Variants in CACNA1C observed in about 807,000 individuals in gnomAD.
CACNA1C encodes voltage-dependent L-type calcium channel subunit alpha-1C.
In CACNA1C, 30 loss-of-function variants were observed where a neutral mutation model predicts 229.0. That is an observed-to-expected ratio of 0.13 (90% CI 0.10 to 0.18). The LOEUF (loss-of-function observed/expected upper bound fraction) is 0.18. Among genes scored for constraint, CACNA1C ranks in the 10% least tolerant of loss-of-function variants. The probability of loss-of-function intolerance (pLI) is 1.00; values close to 1 mark genes in which losing one functional copy is unlikely to be tolerated. For missense variants in CACNA1C, 1,658 were observed against 2,845.0 expected, an observed-to-expected ratio of 0.58 and a Z score of 9.49; for synonymous variants, 1,114 against 1,132.5, an observed-to-expected ratio of 0.98 and a Z score of 0.33.
chr12:2,309,133 A>G (rs1174896038), intron 3 of CACNA1C, among the ~76,000 whole-genome samples: 1 of 152,244 alleles, frequency 6.6e-6, no homozygotes, highest in African/African-American at 2.4e-5. Context: ...GTGATTTTCT[A>G]TATATAATGG....
chr12:2,327,786 C>G (rs2096385128), intron 3 of CACNA1C, among the ~76,000 whole-genome samples: 1 of 152,178 alleles, frequency 6.6e-6, no homozygotes, highest in South Asian at 2.1e-4. Flanking sequence ...ATTCAGTTAC[C>G]TCATTATAGG....
chr12:2,489,072 A>G (rs183249440), intron 6 of CACNA1C, among the ~76,000 whole-genome samples: 16 of 152,298 alleles, frequency 1.1e-4, no homozygotes, highest in Non-Finnish European at 1.8e-4. Context: ...AGAGTTTTAT[A>G]TAAACTTTGG....
intron 5 of CACNA1C, among the ~76,000 whole-genome samples, chr12:2,485,148 G>T (rs543799498): frequency 6.6e-6 from 1 of 152,154 alleles, no homozygotes; most frequent in East Asian, 1.9e-4. Flanking sequence ...TTGGAGGGGG[G>T]TTTCCTGTCC....
chr12:2,163,038 A>G (rs1377823437), intron 3 of CACNA1C, among the ~76,000 whole-genome samples: 1 of 152,040 alleles, frequency 6.6e-6, no homozygotes, highest in Admixed American at 6.6e-5. Context: ...ATCTCTACTA[A>G]AAATACAAAA....
At chr12:2,490,981 A>G (rs1247075606) in intron 6 of CACNA1C, among the ~76,000 whole-genome samples, 1 of 152,224 alleles carries the variant, frequency 6.6e-6, no homozygotes, top group Non-Finnish European at 1.5e-5. Context: ...CAAACCTGGA[A>G]ATAATCCAGA....
At position 2,502,326 on chromosome 12, in the gene CACNA1C, C is replaced by T. The variant is rs1260269131; in HGVS notation, c.1114-2516C>T. Among the ~76,000 whole-genome samples, 2 of 152,246 alleles carry T rather than the reference C, an allele frequency of 1.3e-5. 1 individual carries two copies. The highest frequency in any genetic ancestry group is 4.1e-4 in the South Asian group (2 of 4,836). On this transcript the variant is annotated intron_variant, in intron 7 of 46. Coordinates refer to ENST00000399655, the MANE Select transcript of CACNA1C (RefSeq NM_000719.7). ...GGCATCGTTGTAGGCACCTGGGGTA[C>T]ACCCGTGAACAAAGCAGGCCAGAAC...
intron 34 of CACNA1C, among the ~76,000 whole-genome samples, chr12:2,661,280 TACACAC>T (rs1210712672): frequency 6.2e-4 from 77 of 123,462 alleles, no homozygotes; most frequent in African/African-American, 2.3e-3. Context: ...TACACACACA[TACACAC>T]ACACACACAC....
chr12:2,211,635 G>C (rs924557909), intron 3 of CACNA1C, among the ~76,000 whole-genome samples: 56 of 152,048 alleles, frequency 3.7e-4, no homozygotes, highest in African/African-American at 1.3e-3. Flanking sequence ...TTAGGGCTTG[G>C]GGGGACATGA....
intron 3 of CACNA1C, among the ~76,000 whole-genome samples, chr12:2,175,466 A>G (rs2096617978): frequency 6.7e-6 from 1 of 149,426 alleles, no homozygotes; most frequent in Non-Finnish European, 1.5e-5. Context: ...GTGACCTCGG[A>G]GTTAGATTCA....
chr12:2,682,365 A>G (rs369094296), intron 42 of CACNA1C, among the ~76,000 whole-genome samples, 185 bp from the exon 43 acceptor site: 2 of 152,282 alleles, frequency 1.3e-5, no homozygotes, highest in Non-Finnish European at 2.9e-5. Flanking sequence ...GAACACTTCT[A>G]TGGATCCATC....
At chr12:2,031,134 C>A (rs2048146637) in intron 1 of CACNA1C, among the ~76,000 whole-genome samples, 1 of 152,202 alleles carries the variant, frequency 6.6e-6, no homozygotes. Context: ...AGTAAAGGCA[C>A]CCAGAGACTT....
chr12:2,053,368 T>G lies in CACNA1C; in HGVS notation c.-195T>G. The G allele has an allele frequency of 7.3e-7, 1 of 1,360,922 alleles. No homozygotes were observed. 84.3% of individuals were successfully genotyped at this position (1,360,922 alleles called of 1,614,324 possible). On this transcript the variant is annotated 5_prime_UTR_variant, in exon 1 of 47. Coordinates refer to ENST00000399655, the MANE Select transcript of CACNA1C (RefSeq NM_000719.7). This position sits in a 1 kb window ranked among gnomAD's most constrained non-coding sequence, Gnocchi z 5.8. ...GGAGGCAGTAGTGGAAAGGAGCAGT[T>G]TTTGGGGTTTGATGCCATAATGGGA...
exon 1 of CACNA1C, chr12:1,970,920 C>T (rs551899573): frequency 9.8e-5 from 35 of 356,756 alleles, no homozygotes; most frequent in Middle Eastern, 4.9e-4. Context: ...TGCAGCGATA[C>T]GATACGGCCA....
At position 2,354,848 on chromosome 12, in the gene CACNA1C, A is replaced by G. The variant is rs61294626; in HGVS notation, c.478-94128A>G. ...CCTTCCAGGCTTAGCTGGAGTAACCATTTCAGAGCTGGTCGTTTCCCCGCA... is the reference window on the plus strand; with the variant it reads ...CCTTCCAGGCTTAGCTGGAGTAACCGTTTCAGAGCTGGTCGTTTCCCCGCA... On this transcript the variant is annotated intron_variant, in intron 3 of 46. Transcript: ENST00000399655. This position sits in a 1 kb window ranked among gnomAD's most constrained non-coding sequence, Gnocchi z 4.6. Among the ~76,000 whole-genome samples, 12,821 of 152,052 alleles carry G rather than the reference A, an allele frequency of 0.084. 643 individuals carry two copies. Among genetic ancestry groups the G allele is most frequent in the South Asian group, 0.18 (870 of 4,802 alleles).
At chr12:2,398,799 C>T (rs981983791) in intron 3 of CACNA1C, among the ~76,000 whole-genome samples, 4 of 152,154 alleles carry the variant, frequency 2.6e-5, no homozygotes, top group African/African-American at 9.7e-5. Flanking sequence ...TAGAAACTTG[C>T]AGAGGAACAA....
At chr12:1,991,773 A>G (rs2039489228) in intron 1 of CACNA1C, 1 of 156,224 alleles carries the variant, frequency 6.4e-6, no homozygotes, top group Non-Finnish European at 1.4e-5. Flanking sequence ...AAATTGATGC[A>G]TTAAAGAGAG....
chr12:2,135,658 G>T (rs1399481406), intron 3 of CACNA1C, among the ~76,000 whole-genome samples: 4 of 143,432 alleles, frequency 2.8e-5, no homozygotes, highest in Non-Finnish European at 6.0e-5. Flanking sequence ...GAGGCAGTCT[G>T]CCCGTTCTCA....
At chr12:2,443,467 T>A (rs1410682455) in intron 3 of CACNA1C, among the ~76,000 whole-genome samples, 1 of 152,186 alleles carries the variant, frequency 6.6e-6, no homozygotes, top group Non-Finnish European at 1.5e-5. Context: ...GTTCATTCTC[T>A]CTTCTGCAGT....
At chr12:2,563,542 C>G (rs938260337) in intron 11 of CACNA1C, among the ~76,000 whole-genome samples, 2 of 152,198 alleles carry the variant, frequency 1.3e-5, no homozygotes, top group African/African-American at 4.8e-5. Flanking sequence ...CCCTGCTCCT[C>G]AAGCCAAAAA....
Sources: allele counts gnomAD v4.1 joint callset (sites outside exome capture counted in the v4.1 genomes callset), GRCh38; gene constraint gnomAD v4.1.1; non-coding constraint Gnocchi (gnomAD v3.1); transcripts MANE v1.5; gene names NCBI Gene and HGNC (gene_info 2026-07-23, HGNC 2026-07-21).